The following XKR4 variants were observed in gnomAD, a reference collection of about 807,000 sequenced individuals.
The protein encoded by XKR4 is XK related 4.
In XKR4, 12 loss-of-function variants were observed where a neutral mutation model predicts 53.9. That is an observed-to-expected ratio of 0.22 (90% CI 0.14 to 0.36). XKR4 has a LOEUF of 0.36. Among genes scored for constraint, XKR4 ranks in the 10% least tolerant of loss-of-function variants. The pLI is 1.00. For missense variants in XKR4, 799 were observed against 859.5 expected, an observed-to-expected ratio of 0.93 and a Z score of 0.88; for synonymous variants, 354 against 362.4, an observed-to-expected ratio of 0.98 and a Z score of 0.26.
At chr8:55,126,434 A>G (rs989011000) in intron 1 of XKR4, among the ~76,000 whole-genome samples, 1 of 152,192 alleles carries the variant, frequency 6.6e-6, no homozygotes, top group Non-Finnish European at 1.5e-5. Context: ...TGGGGCATCG[A>G]GGCTTGGTTC....
At chr8:55,436,013 T>A (rs1236954582) in intron 2 of XKR4, among the ~76,000 whole-genome samples, 3 of 152,156 alleles carry the variant, frequency 2.0e-5, no homozygotes, top group Non-Finnish European at 4.4e-5. Flanking sequence ...CTGTTGCAAA[T>A]CACCTTTCAG....
At chr8:55,289,751 G>T (rs1818985983) in intron 1 of XKR4, among the ~76,000 whole-genome samples, 1 of 138,464 alleles carries the variant, frequency 7.2e-6, no homozygotes, top group Admixed American at 7.6e-5. Flanking sequence ...GAAAAAGAAA[G>T]AAAGAAAGAG....
intron 1 of XKR4, among the ~76,000 whole-genome samples, chr8:55,293,612 A>G (rs1021193652): frequency 2.0e-5 from 3 of 152,152 alleles, no homozygotes; most frequent in Non-Finnish European, 4.4e-5. Context: ...TTTTAGTAAA[A>G]TCATGATGTA....
chr8:55,191,050 T>C (rs2129360980), intron 1 of XKR4, among the ~76,000 whole-genome samples: 1 of 152,300 alleles, frequency 6.6e-6, no homozygotes, highest in Non-Finnish European at 1.5e-5. Context: ...TCCTAGGATT[T>C]GGTGATGGAG....
At chr8:55,248,981 T>G (rs10109427) in intron 1 of XKR4, among the ~76,000 whole-genome samples, 76,136 of 152,102 alleles carry the variant, frequency 0.5, 21,952 homozygotes, top group Non-Finnish European at 0.66. Flanking sequence ...GCAGATTCCT[T>G]TGGCAGAATT....
rs1818872066 is a variant in XKR4 at position 55,283,851 on chromosome 8, G to A, written c.807-73827G>A. On this transcript the variant is annotated intron_variant, in intron 1 of 2. Transcript: ENST00000327381. ...ATGTGAGGCCAGCTCATTTCACAATGATGCTACTGGGACATTACCAAGAAA... is the reference window on the plus strand; with the variant it reads ...ATGTGAGGCCAGCTCATTTCACAATAATGCTACTGGGACATTACCAAGAAA... 2.0e-5 allele frequency among the ~76,000 whole-genome samples: 3 copies of A among 152,194 alleles called. 1 individual carries two copies. In the South Asian group the frequency reaches 6.2e-4, roughly 32 times the overall value.
At chr8:55,321,002 G>A (rs997534465) in intron 1 of XKR4, among the ~76,000 whole-genome samples, 1 of 152,080 alleles carries the variant, frequency 6.6e-6, no homozygotes, top group Non-Finnish European at 1.5e-5. Flanking sequence ...AGAAGAGCCA[G>A]ATTGGAATCC....
chr8:55,259,380 C>T (rs10958453), intron 1 of XKR4, among the ~76,000 whole-genome samples: 112,691 of 152,152 alleles, frequency 0.74, 45,522 homozygotes, highest in Non-Finnish European at 0.91. Context: ...ATAGGAATGG[C>T]AGCTACTAGT....
intron 1 of XKR4, among the ~76,000 whole-genome samples, chr8:55,349,966 A>G (rs1223423447): frequency 6.6e-6 from 1 of 152,206 alleles, no homozygotes; most frequent in East Asian, 1.9e-4. Flanking sequence ...AGAGATCATC[A>G]CTTTAATATT....
At chr8:55,513,933 C>A (rs1806670548) in intron 2 of XKR4, among the ~76,000 whole-genome samples, 1 of 152,216 alleles carries the variant, frequency 6.6e-6, no homozygotes, top group Non-Finnish European at 1.5e-5. Flanking sequence ...GGCCAGGAAA[C>A]TGAGGCCCAT....
rs184569873 is a variant in XKR4, at chr8:55,454,781, C to A, written c.1007-68500C>A. ...GACACAGGTACCAGCGTCTTTGGGG[C>A]AAACATCTGGGCAGATGGGCAGGCT... is the stretch of plus-strand genomic sequence containing the variant. On this transcript the variant is annotated intron_variant, in intron 2 of 2. Transcript: ENST00000327381. The A allele has an allele frequency of 1.8e-4, 142 of 776,286 alleles. No individual in the cohort carries two copies. In the African/African-American group the frequency reaches 1.9e-3, roughly 10 times the overall value. The allele number at this position is 776,286 out of a possible 1,614,324, so 48.1% of individuals were successfully genotyped here.
intron 2 of XKR4, among the ~76,000 whole-genome samples, chr8:55,440,640 G>C (rs898807179): frequency 6.6e-6 from 1 of 151,914 alleles, no homozygotes; most frequent in Non-Finnish European, 1.5e-5. Flanking sequence ...TCAATCAAAG[G>C]GATGACAAGA....
intron 1 of XKR4, among the ~76,000 whole-genome samples, chr8:55,137,792 A>G (rs1480765): frequency 0.53 from 80,126 of 151,790 alleles, 22,133 homozygotes; most frequent in South Asian, 0.7. Flanking sequence ...GGCTGGTCTC[A>G]AACTCCTGAT....
At chr8:55,228,800 GTTCA>G (rs1817991849) in intron 1 of XKR4, among the ~76,000 whole-genome samples, 1 of 151,088 alleles carries the variant, frequency 6.6e-6, no homozygotes, top group Non-Finnish European at 1.5e-5. Context: ...CTTTTGCATG[GTTCA>G]TTAAATATGT....
At position 55,199,965 on chromosome 8, in the gene XKR4, T is replaced by C. The variant is rs143294116; in HGVS notation, c.806+96671T>C. On this transcript the variant is annotated intron_variant, in intron 1 of 2. Coordinates refer to ENST00000327381, the MANE Select transcript of XKR4 (RefSeq NM_052898.2). Reference sequence around the variant, plus strand: ...CTGAGGTCAGGTAGCTGGCAAGGTGTAGAACCTTGTAGCAGTTATAACCTC... The same window carrying C: ...CTGAGGTCAGGTAGCTGGCAAGGTGCAGAACCTTGTAGCAGTTATAACCTC... Among the ~76,000 whole-genome samples, 326 of 152,354 alleles carry C rather than the reference T, an allele frequency of 2.1e-3. 1 individual carries two copies. The highest frequency in any genetic ancestry group is 7.3e-3 in the African/African-American group (305 of 41,582).
chr8:55,322,319 G>A (rs1803227859), intron 1 of XKR4, among the ~76,000 whole-genome samples: 1 of 152,072 alleles, frequency 6.6e-6, no homozygotes, highest in Non-Finnish European at 1.5e-5. Context: ...CCTGTATATA[G>A]TAATTCTTAT....
chr8:55,128,630 GAT>G (rs1816510299), intron 1 of XKR4, among the ~76,000 whole-genome samples: 1 of 152,112 alleles, frequency 6.6e-6, no homozygotes, highest in African/African-American at 2.4e-5. Flanking sequence ...GTCTGTCTTG[GAT>G]GACTGTTTAA....
chr8:55,336,281 T>A (rs1173645488), intron 1 of XKR4, among the ~76,000 whole-genome samples: 1 of 152,132 alleles, frequency 6.6e-6, no homozygotes, highest in Non-Finnish European at 1.5e-5. Flanking sequence ...CCACTTTTGC[T>A]TCTTCCTCAT....
chr8:55,421,924 A>G (rs1804940315), intron 2 of XKR4, among the ~76,000 whole-genome samples: 2 of 152,218 alleles, frequency 1.3e-5, no homozygotes. Context: ...GTCTTCGCTA[A>G]TTCAGTAAGC....
Sources: allele counts gnomAD v4.1 joint callset (sites outside exome capture counted in the v4.1 genomes callset), GRCh38; gene constraint gnomAD v4.1.1; transcripts MANE v1.5; gene names NCBI Gene and HGNC (gene_info 2026-07-23, HGNC 2026-07-21).